The following PRAC2 variants were observed in gnomAD, a reference collection of about 807,000 sequenced individuals.
PRAC2 encodes the protein PRAC2 small nuclear protein, also known as protein PRAC2.
For missense variants in PRAC2, 92 were observed against 114.5 expected (o/e 0.80, Z 0.90); for synonymous variants, 43 against 49.5 (o/e 0.87, Z 0.55).
chr17:48,723,694 A>G, intron 1 of PRAC2: 4 of 1,231,712 alleles, frequency 3.2e-6, no homozygotes, highest in Non-Finnish European at 4.0e-6. Context: ...AGCCGGAGTA[A>G]AACCCGAAAG....
chr17:48,718,838 G>C (rs377643905), upstream of PRAC2, among the ~76,000 whole-genome samples: 2 of 152,180 alleles, frequency 1.3e-5, no homozygotes, highest in Non-Finnish European at 2.9e-5. Context: ...TGGTGGGGAC[G>C]GGTAGGACAG....
chr17:48,722,003 C>T (rs1329163069), upstream of PRAC2: 1 of 1,268,818 alleles, frequency 7.9e-7, no homozygotes, highest in African/African-American at 1.5e-5. Context: ...AACATTAAGT[C>T]TTATGGCAGA....
At position 48,724,506 on chromosome 17, in the gene PRAC2, C is replaced by A. The variant is rs1362851706; in HGVS notation, c.96C>A (p.Phe32Leu). Reference sequence around the variant, plus strand: ...GGCTCGTACCGAACCTCCTTGCCTTCTTCCTGGGTCTCTCGGGGGCTGGAC... The same window carrying A: ...GGCTCGTACCGAACCTCCTTGCCTTATTCCTGGGTCTCTCGGGGGCTGGAC... The part of the protein sequence containing the change: ...SRWLVPNLLA[F>L]FLGLSGAGPI... Residue 32 changes from phenylalanine to leucine, a missense_variant, in exon 2 of 2, where the codon TTC becomes TTA. Phe to Leu is a conservative substitution (Grantham distance 22). Coordinates refer to ENST00000422730, the MANE Select transcript of PRAC2 (RefSeq NM_001282275.2). 2 of 1,233,838 alleles carry A rather than the reference C, an allele frequency of 1.6e-6. No individual in the cohort carries two copies. The highest frequency in any genetic ancestry group is 3.1e-5 in the African/African-American group (2 of 64,468). The allele number at this position is 1,233,838 out of a possible 1,614,324, so 76.4% of individuals were successfully genotyped here.
chr17:48,723,172 C>G (rs761835671), upstream of PRAC2: 3 of 152,118 alleles, frequency 2.0e-5, no homozygotes, highest in Admixed American at 1.3e-4. Flanking sequence ...GCTAGAGGCC[C>G]GGGGCCGCTC....
At chr17:48,720,507 A>C (rs2038135190), upstream of PRAC2, among the ~76,000 whole-genome samples, 1 of 151,736 alleles carries the variant, frequency 6.6e-6, no homozygotes, top group African/African-American at 2.4e-5. Context: ...CCTGTTCCCC[A>C]TTTGTTCTGA....
chr17:48,718,763 T>C (rs1419850019), upstream of PRAC2, among the ~76,000 whole-genome samples: 1 of 151,900 alleles, frequency 6.6e-6, no homozygotes, highest in South Asian at 2.1e-4. Context: ...GGATCGCAAG[T>C]TGAGGAGGAG....
intron 1 of PRAC2, chr17:48,723,801 CT>C (rs1459731330): frequency 2.5e-6 from 3 of 1,223,352 alleles, no homozygotes; most frequent in Admixed American, 8.4e-5. Flanking sequence ...CCACTACTCC[CT>C]TATTCGGCTT....
rs1348869166 is a variant in PRAC2 at position 48,724,447 on chromosome 17, C to T, written c.37C>T (p.Arg13Cys). ...RRRMALRPGS[R>C]RPTAFFFHSR... The stretch of plus-strand genomic sequence containing the variant: ...GCGGATGGCTCTGCGGCCTGGCTCC[C>T]GCAGACCGACCGCCTTCTTCTTCCA... Residue 13 changes from arginine to cysteine, a missense_variant, in exon 2 of 2, where the codon CGC (arginine) becomes TGC (cysteine). By Grantham distance (180) the Arg-to-Cys change is radical (BLOSUM62 -3). Coordinates refer to ENST00000422730, the MANE Select transcript of PRAC2 (RefSeq NM_001282275.2). 8.1e-7 allele frequency: 1 copy of T among 1,234,308 alleles called. No homozygotes were observed. The highest frequency in any genetic ancestry group is 1.0e-6 in the Non-Finnish European group (1 of 988,144). 76.5% of individuals were successfully genotyped at this position (1,234,308 alleles called of 1,614,324 possible).
upstream of PRAC2, chr17:48,722,343 G>A (rs750721449): frequency 6.2e-7 from 1 of 1,614,170 alleles, no homozygotes; most frequent in Non-Finnish European, 8.5e-7. Flanking sequence ...AGCACTCTTG[G>A]AGGTAGTAAG....
intron 1 of PRAC2, chr17:48,723,675 G>A (rs2038171376): frequency 2.4e-6 from 3 of 1,231,200 alleles, no homozygotes; most frequent in Non-Finnish European, 3.0e-6. Flanking sequence ...GTTCCCGGAA[G>A]CGCTAGCCAG....
chr17:48,719,302 C>G (rs968447200), upstream of PRAC2, among the ~76,000 whole-genome samples: 1 of 152,220 alleles, frequency 6.6e-6, no homozygotes, highest in African/African-American at 2.4e-5. Context: ...CCGCAGTCGG[C>G]GGGTCGCCTG....
At chr17:48,724,298 A>G in intron 1 of PRAC2, 30 bp from the exon 2 acceptor site, 1 of 1,193,350 alleles carries the variant, frequency 8.4e-7, no homozygotes, top group Non-Finnish European at 1.1e-6. Flanking sequence ...AGCGTTTAAT[A>G]CAAAACGAAA....
Position 48,724,656 on chromosome 17 carries a change from C to T in PRAC2, c.246C>T (p.Ala82=). ...WKPVAPRTMK[A]CPQVLLEW Reference sequence around the variant, plus strand: ...CTGTAGCTCCGCGGACGATGAAAGCCTGCCCGCAGGTTCTCCTGGAGTGGT... The same window carrying T: ...CTGTAGCTCCGCGGACGATGAAAGCTTGCCCGCAGGTTCTCCTGGAGTGGT... Residue 82 remains alanine, a synonymous_variant, in exon 2 of 2, where the codon GCC becomes GCT. Transcript: ENST00000422730. 1.6e-6 allele frequency: 2 copies of T among 1,232,228 alleles called. No individual in the cohort carries two copies. The highest frequency in any genetic ancestry group is 1.0e-6 in the Non-Finnish European group (1 of 988,008). 76.3% of individuals were successfully genotyped at this position (1,232,228 alleles called of 1,614,324 possible).
At chr17:48,719,667 A>G (rs2038126716), upstream of PRAC2, among the ~76,000 whole-genome samples, 1 of 152,248 alleles carries the variant, frequency 6.6e-6, no homozygotes, top group Non-Finnish European at 1.5e-5. Flanking sequence ...TAGACTGCCT[A>G]GAATAAGGTA....
At chr17:48,722,219 G>C (rs775359803), upstream of PRAC2, 7 of 1,015,642 alleles carry the variant, frequency 6.9e-6, no homozygotes, top group African/African-American at 4.8e-5. Context: ...ACTTCTGAAG[G>C]CTCCCAAATT....
At chr17:48,722,359 C>G, upstream of PRAC2, 1 of 1,614,202 alleles carries the variant, frequency 6.2e-7, no homozygotes, top group Non-Finnish European at 8.5e-7. Flanking sequence ...GTAAGATGGG[C>G]CGGTCCTTGA....
At chr17:48,721,494 T>C (rs2038144588), upstream of PRAC2, among the ~76,000 whole-genome samples, 1 of 152,074 alleles carries the variant, frequency 6.6e-6, no homozygotes, top group South Asian at 2.1e-4. Context: ...CCCAGCTAAT[T>C]GTTGTATTTT....
chr17:48,722,481 G>T, upstream of PRAC2: 1 of 1,154,882 alleles, frequency 8.7e-7, no homozygotes, highest in Non-Finnish European at 1.3e-6. Context: ...GCCTCCCAGT[G>T]GCGCTCTGTT....
chr17:48,722,330 A>T (rs377467326), upstream of PRAC2: 7 of 1,613,866 alleles, frequency 4.3e-6, no homozygotes, highest in Non-Finnish European at 5.9e-6. Context: ...TATTAGAGAG[A>T]AAAGCACTCT....
Sources: allele counts gnomAD v4.1 joint callset (sites outside exome capture counted in the v4.1 genomes callset), GRCh38; gene constraint gnomAD v4.1.1; transcripts MANE v1.5; gene names NCBI Gene and HGNC (gene_info 2026-07-23, HGNC 2026-07-21).